The following ACER1 variants were observed in gnomAD, a reference collection of about 807,000 sequenced individuals.
ACER1 encodes alkaline ceramidase 1.
A neutral mutation model predicts 24.9 loss-of-function variants in ACER1; 28 were observed. That is an observed-to-expected ratio of 1.13 (90% confidence interval 0.83 to 1.54). The LOEUF (loss-of-function observed/expected upper bound fraction) is 1.54. Among genes scored for constraint, ACER1 ranks in the 40% most tolerant of loss-of-function variants. ACER1 has a pLI of 0.00. For missense variants in ACER1, 352 were observed against 349.3 expected (o/e 1.01, Z -0.06); for synonymous variants, 132 against 131.4 (o/e 1.00, Z -0.03).
chr19:6,353,738 T>C, the ACER1 span, among the ~76,000 whole-genome samples: 692 of 151,824 alleles, frequency 4.6e-3, 5 homozygotes, highest in African/African-American at 0.016. Context: ...GGCAGGAGAA[T>C]TGCTTGAACC....
At chr19:6,345,276 A>G in the ACER1 span, among the ~76,000 whole-genome samples, 2 of 152,148 alleles carry the variant, frequency 1.3e-5, no homozygotes, top group South Asian at 2.1e-4. Context: ...TAAGTTGTCT[A>G]TGGCTACTTT....
At chr19:6,347,131 T>TATATATAAA in the ACER1 span, among the ~76,000 whole-genome samples, 1 of 134,536 alleles carries the variant, frequency 7.4e-6, no homozygotes, top group Non-Finnish European at 1.5e-5. Context: ...TATATATATA[T>TATATATAAA]AAAATAATAA....
the ACER1 span, among the ~76,000 whole-genome samples, chr19:6,359,738 A>T: frequency 2.0e-5 from 3 of 152,184 alleles, no homozygotes; most frequent in African/African-American, 7.2e-5. Flanking sequence ...CTGATCTAAC[A>T]CAGCAATAAA....
intron 1 of ACER1, among the ~76,000 whole-genome samples, chr19:6,324,857 GAGAAAGGA>G (rs1358945124): frequency 2.3e-5 from 2 of 86,768 alleles, no homozygotes; most frequent in African/African-American, 7.6e-5. Context: ...AAGAGAGAGA[GAGAAAGGA>G]AGGAAGGAAG....
At chr19:6,348,465 G>GAAA in the ACER1 span, among the ~76,000 whole-genome samples, 3,469 of 101,738 alleles carry the variant, frequency 0.034, 168 homozygotes, top group African/African-American at 0.12. Flanking sequence ...ACTCCATCTG[G>GAAA]AAAAAAAAAA....
rs536214112 is a variant in ACER1, at chr19:6,307,088, T to G, written c.626+65A>C. The G allele has an allele frequency of 6.2e-5, 99 of 1,598,596 alleles. No homozygotes were observed. In the East Asian group the frequency reaches 2.1e-3, roughly 35 times the overall value. Reference sequence around the variant, plus strand: ...CCAACCCCAGCCCCCAGGTGCCTACTCCGAGCTTTGGCATCTAAGATTCTC... The same window carrying G: ...CCAACCCCAGCCCCCAGGTGCCTACGCCGAGCTTTGGCATCTAAGATTCTC... On this transcript the variant is annotated intron_variant, in intron 5 of 5. Transcript: ENST00000301452.
At chr19:6,338,631 A>G in the ACER1 span, among the ~76,000 whole-genome samples, 1 of 152,130 alleles carries the variant, frequency 6.6e-6, no homozygotes, top group African/African-American at 2.4e-5. Flanking sequence ...CTCTGCTGCC[A>G]GGCTTGAGTG....
the ACER1 span, among the ~76,000 whole-genome samples, chr19:6,351,392 A>G: frequency 6.6e-6 from 1 of 151,376 alleles, no homozygotes; most frequent in African/African-American, 2.4e-5. Flanking sequence ...TAATAATAAT[A>G]AATAAATAAG....
At chr19:6,338,264 G>A (rs1429916513), upstream of ACER1, among the ~76,000 whole-genome samples, 1 of 151,828 alleles carries the variant, frequency 6.6e-6, no homozygotes, top group Non-Finnish European at 1.5e-5. Flanking sequence ...GTTGCTGGGA[G>A]TACAGGTATG....
chr19:6,340,189 G>A, the ACER1 span, among the ~76,000 whole-genome samples: 4 of 151,772 alleles, frequency 2.6e-5, no homozygotes, highest in Non-Finnish European at 4.4e-5. Flanking sequence ...GCTGAGGTAC[G>A]AGAATCACTT....
chr19:6,344,779 C>G, the ACER1 span, among the ~76,000 whole-genome samples: 1 of 151,844 alleles, frequency 6.6e-6, no homozygotes, highest in African/African-American at 2.4e-5. Flanking sequence ...TTTCTTTAAA[C>G]CATATATGTA....
At chr19:6,348,945 A>G in the ACER1 span, among the ~76,000 whole-genome samples, 2 of 151,818 alleles carry the variant, frequency 1.3e-5, no homozygotes, top group Non-Finnish European at 2.9e-5. Flanking sequence ...AGTCCCAGCT[A>G]CTCCAGAGGC....
At chr19:6,335,125 A>G (rs149515161), upstream of ACER1, among the ~76,000 whole-genome samples, 4,817 of 146,618 alleles carry the variant, frequency 0.033, 250 homozygotes, top group African/African-American at 0.11. Context: ...ATATTATTTT[A>G]ATGTGATTAA....
chr19:6,310,981 C>G (rs908220684), intron 3 of ACER1, among the ~76,000 whole-genome samples: 2 of 151,382 alleles, frequency 1.3e-5, no homozygotes, highest in African/African-American at 4.9e-5. Context: ...GCCCAGGCAG[C>G]GTCTAAAGGG....
At chr19:6,333,276 AG>A (rs2091697511) in intron 1 of ACER1, among the ~76,000 whole-genome samples, 182 bp downstream of exon 1, 2 of 152,142 alleles carry the variant, frequency 1.3e-5, no homozygotes, top group African/African-American at 2.4e-5. Flanking sequence ...CCTACCACAG[AG>A]CTTGGCATCA....
chr19:6,340,559 AAC>A, the ACER1 span, among the ~76,000 whole-genome samples: 1 of 152,106 alleles, frequency 6.6e-6, no homozygotes, highest in African/African-American at 2.4e-5. Flanking sequence ...GTAATTTTGA[AAC>A]AGTCTCTGCT....
intron 1 of ACER1, among the ~76,000 whole-genome samples, chr19:6,325,190 G>A (rs1192839259): frequency 1.3e-5 from 2 of 152,142 alleles, no homozygotes; most frequent in African/African-American, 4.8e-5. Context: ...GCTCCCCAGG[G>A]CTCTCAGGAC....
At chr19:6,337,752 T>C (rs1458857172), upstream of ACER1, among the ~76,000 whole-genome samples, 16 of 136,304 alleles carry the variant, frequency 1.2e-4, no homozygotes, top group East Asian at 4.0e-3. Flanking sequence ...CTTGGCTCAC[T>C]GCAAGCTCCG....
chr19:6,347,108 A>AT, the ACER1 span, among the ~76,000 whole-genome samples: 2,349 of 124,280 alleles, frequency 0.019, 23 homozygotes, highest in East Asian at 0.054. Context: ...CAAAAAAAAA[A>AT]AATATATATA....
Sources: allele counts gnomAD v4.1 joint callset (sites outside exome capture counted in the v4.1 genomes callset), GRCh38; gene constraint gnomAD v4.1.1; transcripts MANE v1.5; gene names NCBI Gene and HGNC (gene_info 2026-07-23, HGNC 2026-07-21).